The following CHD6 variants were observed in gnomAD, a reference collection of about 807,000 sequenced individuals.
CHD6 encodes the protein ATP-dependent chromatin remodeler CHD6.
CHD6 carries 50 observed loss-of-function variants against 276.9 expected under a neutral mutation model. The ratio of observed to expected loss-of-function variants is 0.18; its 90% CI spans 0.14 to 0.23. CHD6 has a LOEUF of 0.23. Ranked by LOEUF, CHD6 falls within the 10% of genes least tolerant of loss-of-function variation. The pLI is 1.00. For missense variants in CHD6, 2,564 were observed against 3,365.8 expected (o/e 0.76, Z 5.89); for synonymous variants, 1,173 against 1,229.3 (o/e 0.95, Z 0.96).
intron 2 of CHD6, among the ~76,000 whole-genome samples, chr20:41,541,028 T>C (rs897822715): frequency 6.9e-6 from 1 of 145,722 alleles, no homozygotes; most frequent in Non-Finnish European, 1.5e-5. Context: ...ACATACTAAA[T>C]GTAGAAAAAA....
At chr20:41,478,950 T>C (rs1425232594) in intron 16 of CHD6, among the ~76,000 whole-genome samples, 3 of 152,192 alleles carry the variant, frequency 2.0e-5, no homozygotes, top group Non-Finnish European at 1.5e-5. Flanking sequence ...GCTGCTATTA[T>C]GCTGACGCTT....
At chr20:41,516,815 C>G (rs1005003557) in intron 3 of CHD6, among the ~76,000 whole-genome samples, 1 of 152,090 alleles carries the variant, frequency 6.6e-6, no homozygotes, top group African/African-American at 2.4e-5. Context: ...GGGAATGAAG[C>G]CTTTCAAGGG....
rs78162524 is a variant in CHD6 at position 41,417,412 on chromosome 20, A to T, written c.6128-63T>A. On this transcript the variant is annotated intron_variant, in intron 31 of 36. Coordinates refer to ENST00000373233, the MANE Select transcript of CHD6 (RefSeq NM_032221.5). Reference sequence around the variant, plus strand: ...ATAGTAGTGAGATACTAGTGATCTGAGAGATTAGGATATCCTCTTTTCCTT... The same window carrying T: ...ATAGTAGTGAGATACTAGTGATCTGTGAGATTAGGATATCCTCTTTTCCTT... 6,721 of 1,407,586 alleles carry T rather than the reference A, an allele frequency of 4.8e-3. 50 individuals carry two copies. In the Middle Eastern group the frequency reaches 0.048, roughly 10 times the overall value. The allele number at this position is 1,407,586 out of a possible 1,614,324, so 87.2% of individuals were successfully genotyped here. A position where few individuals can be genotyped will look rare whatever the true frequency, so the allele number is the denominator to read the frequency against.
At chr20:41,447,346 T>G (rs138404844) in intron 24 of CHD6, among the ~76,000 whole-genome samples, 174 of 152,338 alleles carry the variant, frequency 1.1e-3, no homozygotes, top group African/African-American at 4.0e-3. Flanking sequence ...ACAGCTTTAT[T>G]AAGTGGAAGC....
chr20:41,433,117 C>T (rs1204913601), intron 27 of CHD6, among the ~76,000 whole-genome samples: 1 of 151,182 alleles, frequency 6.6e-6, no homozygotes, highest in African/African-American at 2.4e-5. Context: ...TAGAGACCCA[C>T]AGGTCTATAA....
intron 27 of CHD6, among the ~76,000 whole-genome samples, chr20:41,431,153 C>T (rs1315124226): frequency 6.6e-6 from 1 of 152,090 alleles, no homozygotes; most frequent in Non-Finnish European, 1.5e-5. Flanking sequence ...TTTGAATTGT[C>T]AAGATGAGAA....
intron 1 of CHD6, among the ~76,000 whole-genome samples, chr20:41,591,522 C>A (rs2045660738): frequency 6.6e-6 from 1 of 151,678 alleles, no homozygotes; most frequent in Non-Finnish European, 1.5e-5. Context: ...GAAACTCCGT[C>A]TCTACTAAAA....
chr20:41,424,786 A>AG (rs2047308640), intron 29 of CHD6, among the ~76,000 whole-genome samples: 1 of 152,158 alleles, frequency 6.6e-6, no homozygotes, highest in Admixed American at 6.5e-5. Context: ...TTGCCCTGGA[A>AG]GGCTTGATAA....
intron 5 of CHD6, among the ~76,000 whole-genome samples, chr20:41,500,167 T>C (rs931223105): frequency 2.0e-5 from 3 of 152,192 alleles, no homozygotes; most frequent in Non-Finnish European, 2.9e-5. Flanking sequence ...TATTACAATA[T>C]GAGACTTAAA....
At chr20:41,572,562 C>A (rs1011651267) in intron 1 of CHD6, among the ~76,000 whole-genome samples, 1 of 152,160 alleles carries the variant, frequency 6.6e-6, no homozygotes, top group Admixed American at 6.5e-5. Flanking sequence ...CCAGGCCTGG[C>A]TCATCTGGAA....
At chr20:41,490,339 G>C (rs1376773571) in intron 11 of CHD6, among the ~76,000 whole-genome samples, 1 of 152,110 alleles carries the variant, frequency 6.6e-6, no homozygotes, top group Non-Finnish European at 1.5e-5. Context: ...AGATGGTATA[G>C]CCTACTACAT....
At chr20:41,591,375 T>C (rs1270640323) in intron 1 of CHD6, among the ~76,000 whole-genome samples, 8 of 121,064 alleles carry the variant, frequency 6.6e-5, no homozygotes, top group Non-Finnish European at 6.4e-5. Context: ...CATATATATA[T>C]ATATACACAC....
At chr20:41,527,067 A>G (rs1346162905) in intron 3 of CHD6, among the ~76,000 whole-genome samples, 1 of 152,192 alleles carries the variant, frequency 6.6e-6, no homozygotes, top group African/African-American at 2.4e-5. Flanking sequence ...CCATTCTCAT[A>G]TGTGTGGAAA....
intron 1 of CHD6, among the ~76,000 whole-genome samples, chr20:41,610,153 G>A (rs1000594164): frequency 6.6e-6 from 1 of 152,004 alleles, no homozygotes; most frequent in Non-Finnish European, 1.5e-5. Flanking sequence ...ATTGGTGCCC[G>A]GCCTATGTTT....
chr20:41,509,569 A>C (rs1199524559), intron 5 of CHD6, among the ~76,000 whole-genome samples: 2 of 152,180 alleles, frequency 1.3e-5, no homozygotes, highest in Non-Finnish European at 2.9e-5. Context: ...AAAGAAGAGT[A>C]CACTGTACGC....
chr20:41,605,065 A>C, intron 1 of CHD6, among the ~76,000 whole-genome samples: 1 of 152,186 alleles, frequency 6.6e-6, no homozygotes, highest in East Asian at 1.9e-4. Context: ...CTTTTTCCTT[A>C]GGATAAATAT....
At chr20:41,417,008 C>T (rs7351248) in intron 32 of CHD6, among the ~76,000 whole-genome samples, 190 bp downstream of exon 32, 3 of 152,148 alleles carry the variant, frequency 2.0e-5, no homozygotes, top group African/African-American at 7.2e-5. Context: ...AATTTGACAC[C>T]TTCATCTTAC....
At chr20:41,462,850 A>T (rs897150211) in intron 17 of CHD6, among the ~76,000 whole-genome samples, 5 of 152,174 alleles carry the variant, frequency 3.3e-5, no homozygotes, top group African/African-American at 4.8e-5. Flanking sequence ...GTCCACTGAG[A>T]GGGCCTAGAA....
intron 1 of CHD6, among the ~76,000 whole-genome samples, chr20:41,552,685 T>A (rs749288235): frequency 6.6e-6 from 1 of 152,218 alleles, no homozygotes; most frequent in Non-Finnish European, 1.5e-5. Flanking sequence ...GTCTGTCAAT[T>A]TAGATTTTTC....
Sources: gnomAD v4.1 joint callset for allele counts (sites outside exome capture counted in the v4.1 genomes callset) on GRCh38, gnomAD v4.1.1 for gene constraint, MANE v1.5 for transcripts, NCBI Gene and HGNC (gene_info 2026-07-23, HGNC 2026-07-21) for gene names.